DCDC2C: variants seen among roughly 807,000 people sequenced by gnomAD.
DCDC2C encodes doublecortin domain-containing protein 2C.
In DCDC2C, 44 loss-of-function variants were observed where a neutral mutation model predicts 45.0. That is an observed-to-expected ratio of 0.98 (90% CI 0.77 to 1.26). The LOEUF is 1.26. Ranked by LOEUF, DCDC2C falls within the 50% of genes most tolerant of loss-of-function variation. DCDC2C has a pLI of 0.00. For missense variants in DCDC2C, 447 were observed against 468.9 expected (o/e 0.95, Z 0.43); for synonymous variants, 187 against 178.8 (o/e 1.05, Z -0.37).
chr2:3,778,800 T>G lies in DCDC2C; in HGVS notation c.955-16T>G. On this transcript the variant is annotated splice_polypyrimidine_tract_variant and intron_variant, in intron 8 of 10. Transcript: ENST00000399143. ...CACATAAGTAGTTGATAAAATGTGGTGTATTTTCTCCCCAGAGACAAGCTG... is the reference window on the plus strand; with the variant it reads ...CACATAAGTAGTTGATAAAATGTGGGGTATTTTCTCCCCAGAGACAAGCTG... The G allele has an allele frequency of 6.5e-7, 1 of 1,549,922 alleles. No homozygotes were observed. The highest frequency in any genetic ancestry group is 8.7e-7 in the Non-Finnish European group (1 of 1,146,432).
intron 2 of DCDC2C, among the ~76,000 whole-genome samples, chr2:3,720,086 G>A (rs767083331): frequency 1.3e-5 from 2 of 152,234 alleles, no homozygotes; most frequent in African/African-American, 2.4e-5. Context: ...TGTGAAGACA[G>A]CATGGGGAGG....
chr2:3,807,528 C>T (rs1321149720), intron 10 of DCDC2C, among the ~76,000 whole-genome samples: 6 of 152,000 alleles, frequency 3.9e-5, no homozygotes, highest in African/African-American at 1.5e-4. Flanking sequence ...CCCAGACCAC[C>T]ACTTCATGCC....
At chr2:3,773,555 G>C (rs1179510772) in intron 8 of DCDC2C, among the ~76,000 whole-genome samples, 1 of 152,160 alleles carries the variant, frequency 6.6e-6, no homozygotes, top group African/African-American at 2.4e-5. Context: ...TGCAAAAAAG[G>C]CACCCAGATG....
chr2:3,835,577 T>C (rs538265377), intron 10 of DCDC2C, among the ~76,000 whole-genome samples: 1 of 152,158 alleles, frequency 6.6e-6, no homozygotes, highest in Non-Finnish European at 1.5e-5. Context: ...GGTTTAATCA[T>C]TTTTGAATAT....
chr2:3,817,682 C>G (rs1323145033), intron 10 of DCDC2C, among the ~76,000 whole-genome samples: 1 of 152,132 alleles, frequency 6.6e-6, no homozygotes, highest in African/African-American at 2.4e-5. Flanking sequence ...AGTCCTGGCT[C>G]TTGTGTAACA....
chr2:3,845,206 A>T (rs1672299551), intron 10 of DCDC2C, among the ~76,000 whole-genome samples: 1 of 152,176 alleles, frequency 6.6e-6, no homozygotes, highest in African/African-American at 2.4e-5. Flanking sequence ...GCTGTTGGGA[A>T]AATTACTTAC....
chr2:3,834,231 T>A (rs892355655), intron 10 of DCDC2C, among the ~76,000 whole-genome samples: 1 of 152,060 alleles, frequency 6.6e-6, no homozygotes, highest in Non-Finnish European at 1.5e-5. Context: ...ACATTAGGGC[T>A]CTCTCTTGGT....
In DCDC2C at chr2:3,835,731, A is replaced by G. The variant is rs539181474; in HGVS notation, c.1066-11423A>G. Reference sequence around the variant, plus strand: ...TGAGTCTCATTTTTTATATTAAAATAAAAGGTAAGGACAAGATCCTTTTTT... The same window carrying G: ...TGAGTCTCATTTTTTATATTAAAATGAAAGGTAAGGACAAGATCCTTTTTT... On this transcript the variant is annotated intron_variant, in intron 10 of 10. Coordinates refer to ENST00000399143, the MANE Select transcript of DCDC2C (RefSeq NM_001287444.2). 2.4e-4 allele frequency among the ~76,000 whole-genome samples: 37 copies of G among 152,316 alleles called. 1 individual carries two copies. In the South Asian group the frequency reaches 7.7e-3, roughly 32 times the overall value.
At chr2:3,828,405 A>G (rs970666919) in intron 10 of DCDC2C, among the ~76,000 whole-genome samples, 2 of 152,314 alleles carry the variant, frequency 1.3e-5, no homozygotes, top group Non-Finnish European at 2.9e-5. Context: ...TCATCATGTC[A>G]GCTCTGGGCA....
At chr2:3,735,117 A>G (rs1393348822) in intron 3 of DCDC2C, among the ~76,000 whole-genome samples, 4 of 152,172 alleles carry the variant, frequency 2.6e-5, no homozygotes, top group African/African-American at 4.8e-5. Context: ...CATAGCCCAG[A>G]TACCAGACAC....
At chr2:3,830,434 C>T (rs1026259260) in intron 10 of DCDC2C, among the ~76,000 whole-genome samples, 2 of 152,178 alleles carry the variant, frequency 1.3e-5, no homozygotes, top group African/African-American at 4.8e-5. Flanking sequence ...GCCAGTAGCC[C>T]TGGACCTGCT....
intron 10 of DCDC2C, among the ~76,000 whole-genome samples, chr2:3,827,626 T>C (rs151097250): frequency 6.6e-6 from 1 of 152,326 alleles, no homozygotes; most frequent in Admixed American, 6.5e-5. Context: ...TTCCATTGAA[T>C]CCTGGGGAAT....
At chr2:3,756,840 T>C (rs1040676712) in intron 6 of DCDC2C, among the ~76,000 whole-genome samples, 2 of 152,260 alleles carry the variant, frequency 1.3e-5, no homozygotes, top group African/African-American at 2.4e-5. Flanking sequence ...TGCCAAGGCT[T>C]TTCTTCTGAA....
At chr2:3,840,814 G>A (rs780689661) in intron 10 of DCDC2C, among the ~76,000 whole-genome samples, 1 of 152,196 alleles carries the variant, frequency 6.6e-6, no homozygotes, top group East Asian at 1.9e-4. Context: ...GCGGGTGGCC[G>A]CTCTGCGAGT....
chr2:3,824,064 T>C (rs989901266), intron 10 of DCDC2C, among the ~76,000 whole-genome samples: 1 of 152,278 alleles, frequency 6.6e-6, no homozygotes, highest in Non-Finnish European at 1.5e-5. Flanking sequence ...ATTCAGTCCA[T>C]GGACTGTAGC....
At chr2:3,808,762 C>T (rs900007486) in intron 10 of DCDC2C, among the ~76,000 whole-genome samples, 41 of 152,300 alleles carry the variant, frequency 2.7e-4, no homozygotes, top group Admixed American at 7.2e-4. Flanking sequence ...TTTTGAAGTC[C>T]AATTTATCAA....
At position 3,734,509 on chromosome 2, in the gene DCDC2C, T is replaced by C. The variant is rs1361301791; in HGVS notation, c.417-7411T>C. ...GGGTTAAGGCTTTGATGGTGTAGTATGGTTATGTGAGGGGGAAAGCAGTAG... is the reference window on the plus strand; with the variant it reads ...GGGTTAAGGCTTTGATGGTGTAGTACGGTTATGTGAGGGGGAAAGCAGTAG... On this transcript the variant is annotated intron_variant, in intron 3 of 10. Coordinates refer to ENST00000399143, the MANE Select transcript of DCDC2C (RefSeq NM_001287444.2). The surrounding 1 kb of genome is among the most constrained non-coding windows in gnomAD (Gnocchi z 4.2). 6.6e-6 allele frequency among the ~76,000 whole-genome samples: 1 copy of C among 152,030 alleles called. No individual in the cohort carries two copies. Among genetic ancestry groups the C allele is most frequent in the Admixed American group, 6.6e-5 (1 of 15,266 alleles).
At chr2:3,731,976 CTG>C (rs1286969115) in intron 3 of DCDC2C, among the ~76,000 whole-genome samples, 1 of 152,046 alleles carries the variant, frequency 6.6e-6, no homozygotes, top group Non-Finnish European at 1.5e-5. Flanking sequence ...AGTTTCAGGA[CTG>C]AGTACGGTAG....
At chr2:3,824,424 A>T (rs1393832050) in intron 10 of DCDC2C, among the ~76,000 whole-genome samples, 1 of 152,212 alleles carries the variant, frequency 6.6e-6, no homozygotes. Flanking sequence ...ACCATTACGT[A>T]TGAAAACAGA....
Sources: gnomAD v4.1 joint callset for allele counts (sites outside exome capture counted in the v4.1 genomes callset) on GRCh38, gnomAD v4.1.1 for gene constraint, Gnocchi (gnomAD v3.1) non-coding constraint, MANE v1.5 for transcripts, NCBI Gene and HGNC (gene_info 2026-07-23, HGNC 2026-07-21) for gene names.